The following ICAM2 variants were observed in gnomAD, a reference collection of about 807,000 sequenced individuals.
The protein encoded by ICAM2 is intercellular adhesion molecule 2.
ICAM2 carries 14 observed loss-of-function variants against 19.1 expected under a neutral mutation model. The ratio of observed to expected loss-of-function variants is 0.73; its 90% CI spans 0.48 to 1.15. The LOEUF is 1.15. Among genes scored for constraint, ICAM2 ranks in the 50% most tolerant of loss-of-function variants. ICAM2 has a pLI of 0.00. For missense variants in ICAM2, 311 were observed against 355.4 expected (o/e 0.88, Z 1.00); for synonymous variants, 153 against 152.7 (o/e 1.00, Z -0.01).
chr17:64,013,610 A>G (rs573909880), intron 1 of ICAM2, among the ~76,000 whole-genome samples: 3 of 152,322 alleles, frequency 2.0e-5, no homozygotes, highest in Admixed American at 2.0e-4. Context: ...AAGTCAAAGG[A>G]TGAAAAAGAT....
chr17:64,018,263 G>A (rs1911793416), intron 1 of ICAM2, among the ~76,000 whole-genome samples: 1 of 150,328 alleles, frequency 6.7e-6, no homozygotes, highest in Admixed American at 6.6e-5. Flanking sequence ...GAACCTAGGA[G>A]GCGGAGCTTG....
At position 64,005,310 on chromosome 17, in the gene ICAM2, C is replaced by T. The variant is rs576041427; in HGVS notation, c.125G>A (p.Gly42Glu). 1.9e-6 allele frequency: 3 copies of T among 1,614,084 alleles called. No homozygotes were observed. Among genetic ancestry groups the T allele is most frequent in the Non-Finnish European group, 2.5e-6 (3 of 1,179,980 alleles). The change falls in exon 3 of 5, where the codon GGG becomes GAG. Residue 42 changes from glycine to glutamate, a missense_variant. Transcript: ENST00000579788. ...RPKKLAVEPK[G>E]SLEVNCSTTC... ...GGTGCTGCAGTTGACCTCGAGGGAC[C>T]CTTTGGGCTCAACCGCCAGCTTCTT...
intron 3 of ICAM2, 75 bp from the exon 4 acceptor site, chr17:64,004,039 T>C (rs2143178968): frequency 1.7e-6 from 2 of 1,148,412 alleles, no homozygotes; most frequent in Non-Finnish European, 2.5e-6. Context: ...GCCAGGGCCA[T>C]CTCCTGTCAC....
intron 1 of ICAM2, among the ~76,000 whole-genome samples, chr17:64,016,579 GGA>G (rs1567850497): frequency 6.6e-6 from 1 of 152,226 alleles, no homozygotes; most frequent in African/African-American, 2.4e-5. Flanking sequence ...AGGAGCCAGT[GGA>G]TATACTTTCC....
chr17:64,008,187 TG>T (rs1171035574), intron 1 of ICAM2, among the ~76,000 whole-genome samples: 1 of 152,094 alleles, frequency 6.6e-6, no homozygotes. Context: ...TTGCTGGACT[TG>T]GGAATGATGC....
At chr17:64,013,188 T>C (rs1238419390) in intron 1 of ICAM2, among the ~76,000 whole-genome samples, 1 of 152,168 alleles carries the variant, frequency 6.6e-6, no homozygotes, top group Admixed American at 6.6e-5. Context: ...GGCGTGTGCC[T>C]GTGGTCTCAG....
In ICAM2 at chr17:64,003,972, G is replaced by C; in HGVS notation, c.329-8C>G. On this transcript the variant is annotated splice_region_variant and splice_polypyrimidine_tract_variant and intron_variant, in intron 3 of 4. Coordinates refer to ENST00000579788, the MANE Select transcript of ICAM2 (RefSeq NM_001099789.2). Reference sequence around the variant, plus strand: ...TGACCTGCCTTGGAGGCTCTGCAGGGGACAAAGGAGGGAGGTCTGGTCAGG... The same window carrying C: ...TGACCTGCCTTGGAGGCTCTGCAGGCGACAAAGGAGGGAGGTCTGGTCAGG... The C allele has an allele frequency of 6.3e-7, 1 of 1,598,834 alleles. No homozygotes were observed. Among genetic ancestry groups the C allele is most frequent in the Non-Finnish European group, 8.5e-7 (1 of 1,172,428 alleles).
chr17:64,017,301 C>T (rs978497735), intron 1 of ICAM2, among the ~76,000 whole-genome samples: 10 of 152,134 alleles, frequency 6.6e-5, no homozygotes, highest in Non-Finnish European at 1.3e-4. Context: ...ATTGGTTGTT[C>T]TTGTGTGTAT....
chr17:64,006,674 G>A lies in ICAM2; in HGVS notation c.18C>T (p.Tyr6=). The A allele has an allele frequency of 6.2e-7, 1 of 1,614,184 alleles. No individual in the cohort carries two copies. The highest frequency in any genetic ancestry group is 2.2e-5 in the East Asian group (1 of 44,878). The change falls in exon 2 of 5, where the codon TAC becomes TAT. Residue 6 remains tyrosine (Y), a synonymous_variant. Transcript: ENST00000579788. MSSFG[Y]RTLTVALFTL... ...TGAAGAGGGCCACAGTCAGGGTCCTGTAACCGAAAGAGGACATCTCTGGCA... is the reference window on the plus strand; with the variant it reads ...TGAAGAGGGCCACAGTCAGGGTCCTATAACCGAAAGAGGACATCTCTGGCA...
At chr17:64,003,987 G>C in intron 3 of ICAM2, 23 bp from the exon 4 acceptor site, 1 of 1,568,548 alleles carries the variant, frequency 6.4e-7, no homozygotes, top group Non-Finnish European at 8.7e-7. Flanking sequence ...AAGGAGGGAG[G>C]TCTGGTCAGG....
intron 1 of ICAM2, among the ~76,000 whole-genome samples, chr17:64,014,767 A>AAGAAAGAAAAAG (rs1567849939): frequency 1.8e-5 from 2 of 110,456 alleles, no homozygotes; most frequent in African/African-American, 5.8e-5. Flanking sequence ...GAAAGAAAGA[A>AAGAAAGAAAAAG]AAAGAAAGAA....
chr17:64,008,955 C>A (rs7210667), intron 1 of ICAM2, among the ~76,000 whole-genome samples: 1 of 152,202 alleles, frequency 6.6e-6, no homozygotes. Flanking sequence ...TCCTACCCCC[C>A]ATCTCCTCCT....
At chr17:64,014,751 A>T (rs1395650652) in intron 1 of ICAM2, among the ~76,000 whole-genome samples, 5 of 145,218 alleles carry the variant, frequency 3.4e-5, no homozygotes, top group African/African-American at 1.3e-4. Context: ...GAAAGAAAGA[A>T]AGAAAGAAAG....
chr17:64,014,330 G>GGAAGGAAAGAAA (rs1219763465), intron 1 of ICAM2, among the ~76,000 whole-genome samples: 4 of 31,156 alleles, frequency 1.3e-4, no homozygotes, highest in African/African-American at 3.3e-4. Context: ...AAGGAAGGAA[G>GGAAGGAAAGAAA]GAAAGAAAGA....
At chr17:64,003,251 C>T (rs74813262) in intron 4 of ICAM2, 4,543 of 430,220 alleles carry the variant, frequency 0.011, 167 homozygotes, top group African/African-American at 0.081. Context: ...AGCCAAGCCC[C>T]TTCTTGGGCA....
chr17:64,019,016 G>A (rs761110181), intron 1 of ICAM2, among the ~76,000 whole-genome samples: 4 of 151,854 alleles, frequency 2.6e-5, no homozygotes, highest in Non-Finnish European at 5.9e-5. Context: ...CACTGCTCCC[G>A]GCCTTACTTC....
chr17:64,018,782 C>T (rs965439097), intron 1 of ICAM2, among the ~76,000 whole-genome samples: 2 of 127,828 alleles, frequency 1.6e-5, no homozygotes, highest in Admixed American at 2.0e-4. Flanking sequence ...AGTGCAGTGG[C>T]GCGATCTTGG....
At chr17:64,011,201 A>T (rs1357405857) in intron 1 of ICAM2, among the ~76,000 whole-genome samples, 2 of 152,290 alleles carry the variant, frequency 1.3e-5, no homozygotes, top group East Asian at 3.9e-4. Flanking sequence ...GGTGGCTTAC[A>T]CCCATAATCC....
intron 1 of ICAM2, among the ~76,000 whole-genome samples, chr17:64,017,668 C>G (rs1478697700): frequency 6.6e-6 from 1 of 152,184 alleles, no homozygotes; most frequent in Non-Finnish European, 1.5e-5. Context: ...GGGATTTGCT[C>G]TGCTAGATAT....
Sources: allele counts gnomAD v4.1 joint callset (sites outside exome capture counted in the v4.1 genomes callset), GRCh38; gene constraint gnomAD v4.1.1; transcripts MANE v1.5; gene names NCBI Gene and HGNC (gene_info 2026-07-23, HGNC 2026-07-21).